Variants in DPP10 observed in about 807,000 individuals in gnomAD.
The protein encoded by DPP10 is inactive dipeptidyl peptidase 10.
Under a neutral mutation model 120.9 loss-of-function variants are expected in DPP10, and 33 were observed. The observed-to-expected ratio is 0.27, with a 90% CI of 0.21 to 0.37. The LOEUF (loss-of-function observed/expected upper bound fraction) is 0.37, where lower values mean the gene tolerates loss of function less well. Ranked by LOEUF, DPP10 falls within the 10% of genes least tolerant of loss-of-function variation. The pLI, the probability that DPP10 is intolerant of heterozygous loss-of-function variation, is 1.00. For missense variants in DPP10, 816 were observed against 942.8 expected, an observed-to-expected ratio of 0.87 and a Z score of 1.76; for synonymous variants, 337 against 326.1, an observed-to-expected ratio of 1.03 and a Z score of -0.36.
rs549758102 is a variant in DPP10, at chr2:115,830,945, G to T, written c.1951-5212G>T. ...TGAGGGAGGGCCTCTCAGTGTTTGA[G>T]TCCAGCTTGAGTCACTTCTAAGGTT... is the stretch of plus-strand genomic sequence containing the variant. On this transcript the variant is annotated intron_variant, in intron 21 of 25. Coordinates refer to ENST00000410059, the MANE Select transcript of DPP10 (RefSeq NM_020868.6). Among the ~76,000 whole-genome samples the T allele has an allele frequency of 5.9e-5, 9 of 152,216 alleles. No homozygotes were observed. In the East Asian group the frequency reaches 1.7e-3, roughly 30 times the overall value.
In DPP10 at chr2:115,780,963, C is replaced by A; in HGVS notation, c.1451C>A (p.Pro484His). The A allele has an allele frequency of 1.9e-6, 3 of 1,593,772 alleles. No individual in the cohort carries two copies. ...ACATATTTTGATGCCAGTTTTAGTCCCATGAATCAACATTTCTTATTATTC... is the reference window on the plus strand; with the variant it reads ...ACATATTTTGATGCCAGTTTTAGTCACATGAATCAACATTTCTTATTATTC... ...QCTYFDASFSPMNQHFLLFCE... is the reference protein window; with the variant it reads ...QCTYFDASFSHMNQHFLLFCE... Residue 484 changes from proline to histidine, a missense_variant, in exon 16 of 26, where the codon CCC (proline) becomes CAC (histidine). Physicochemically the swap from Pro to His is moderately conservative, Grantham distance 77. Coordinates refer to ENST00000410059, the MANE Select transcript of DPP10 (RefSeq NM_020868.6).
intron 1 of DPP10, among the ~76,000 whole-genome samples, chr2:114,964,785 A>G (rs1698886707): frequency 6.6e-6 from 1 of 152,216 alleles, no homozygotes; most frequent in Non-Finnish European, 1.5e-5. Flanking sequence ...TGGGAGAAAC[A>G]GGACATAGCT....
intron 1 of DPP10, among the ~76,000 whole-genome samples, chr2:115,276,476 C>T (rs2059926368): frequency 2.0e-5 from 3 of 152,224 alleles, no homozygotes; most frequent in Admixed American, 2.0e-4. Context: ...TAAATGTGAG[C>T]TATTTCGAAA....
At chr2:115,495,241 G>A (rs1335364458) in intron 3 of DPP10, among the ~76,000 whole-genome samples, 2 of 151,466 alleles carry the variant, frequency 1.3e-5, no homozygotes, top group African/African-American at 4.8e-5. Context: ...ATTTCAAGAC[G>A]TAATAGTTTA....
In DPP10 at chr2:114,870,532, A is replaced by T. The variant is rs956802565; in HGVS notation, c.60+427694A>T. Among the ~76,000 whole-genome samples the T allele has an allele frequency of 4.3e-5, 6 of 138,480 alleles. 2 individuals are homozygous for T. Among genetic ancestry groups the T allele is most frequent in the Non-Finnish European group, 9.6e-5 (6 of 62,646 alleles). 90.8% of individuals were successfully genotyped at this position (138,480 alleles called of 152,430 possible). On this transcript the variant is annotated intron_variant, in intron 1 of 25. Transcript: ENST00000410059. ...TTTAAGGGCAATAGAAGCTACAAAA[A>T]GTAGTCAGGTAGAAAGGGGGAACTC...
chr2:115,043,930 T>C (rs1670488640), intron 1 of DPP10, among the ~76,000 whole-genome samples: 1 of 152,162 alleles, frequency 6.6e-6, no homozygotes, highest in African/African-American at 2.4e-5. Context: ...AGTAGGTATA[T>C]ATATTTATGG....
chr2:115,517,183 G>T (rs1303347563), intron 4 of DPP10, among the ~76,000 whole-genome samples: 1 of 152,136 alleles, frequency 6.6e-6, no homozygotes, highest in Non-Finnish European at 1.5e-5. Flanking sequence ...TTCAGTCATA[G>T]TTGCAAACAA....
At chr2:115,003,262 G>C (rs1172016083) in intron 1 of DPP10, among the ~76,000 whole-genome samples, 1 of 149,914 alleles carries the variant, frequency 6.7e-6, no homozygotes, top group Admixed American at 6.6e-5. Context: ...AACAAACAAA[G>C]GAACAAAAAA....
At chr2:115,067,013 T>C (rs1706894267) in intron 1 of DPP10, among the ~76,000 whole-genome samples, 1 of 152,102 alleles carries the variant, frequency 6.6e-6, no homozygotes, top group Non-Finnish European at 1.5e-5. Flanking sequence ...CAAAACTAAT[T>C]CATTCTGCAT....
intron 1 of DPP10, among the ~76,000 whole-genome samples, chr2:114,947,702 G>T (rs1697470950): frequency 6.6e-6 from 1 of 151,934 alleles, no homozygotes; most frequent in African/African-American, 2.4e-5. Context: ...GCTTTAGTTA[G>T]ATGACATTTC....
chr2:115,373,682 T>A (rs2106413215), intron 3 of DPP10, among the ~76,000 whole-genome samples: 1 of 152,200 alleles, frequency 6.6e-6, no homozygotes, highest in Middle Eastern at 3.4e-3. Flanking sequence ...GGATTTATCC[T>A]TTTGCAATTT....
chr2:115,710,506 T>A (rs1385729951), intron 7 of DPP10, among the ~76,000 whole-genome samples: 1 of 152,138 alleles, frequency 6.6e-6, no homozygotes, highest in Non-Finnish European at 1.5e-5. Context: ...GATTGCCTGA[T>A]AATTTTAGAA....
At chr2:114,595,913 T>C (rs1264772273) in intron 1 of DPP10, among the ~76,000 whole-genome samples, 1 of 152,116 alleles carries the variant, frequency 6.6e-6, no homozygotes, top group Non-Finnish European at 1.5e-5. Flanking sequence ...TAAGAGGAGA[T>C]GTAGTCAGTG....
At chr2:115,841,293 A>G (rs1690120098) in intron 25 of DPP10, among the ~76,000 whole-genome samples, 2 of 152,122 alleles carry the variant, frequency 1.3e-5, no homozygotes, top group African/African-American at 4.8e-5. Flanking sequence ...ATTACAAGAA[A>G]AGAAGAGAGG....
At position 115,343,557 on chromosome 2, in the gene DPP10, A is replaced by G. The variant is rs2063553453; in HGVS notation, c.176-260A>G. Among the ~76,000 whole-genome samples the G allele has an allele frequency of 3.9e-5, 6 of 152,270 alleles. No homozygotes were observed. The South Asian group carries it at 1.2e-3, about 32-fold the overall frequency. ...ACAACAGGAATTCTTAACTGCTTTCATATTATATTACTAATACGTAACATG... is the reference window on the plus strand; with the variant it reads ...ACAACAGGAATTCTTAACTGCTTTCGTATTATATTACTAATACGTAACATG... On this transcript the variant is annotated intron_variant, in intron 2 of 25. Transcript: ENST00000410059.
At chr2:114,544,099 G>A (rs1238949743) in intron 1 of DPP10, among the ~76,000 whole-genome samples, 2 of 152,114 alleles carry the variant, frequency 1.3e-5, no homozygotes, top group Non-Finnish European at 2.9e-5. Flanking sequence ...AGGGAGCTAT[G>A]CAAGTTACTG....
chr2:114,729,234 A>T (rs1252848368), intron 1 of DPP10, among the ~76,000 whole-genome samples: 1 of 152,268 alleles, frequency 6.6e-6, no homozygotes, highest in Non-Finnish European at 1.5e-5. Context: ...ACACATTTCC[A>T]GTTGAAAATC....
intron 1 of DPP10, among the ~76,000 whole-genome samples, chr2:115,028,830 A>G (rs1213751955): frequency 6.6e-6 from 1 of 151,948 alleles, no homozygotes; most frequent in Non-Finnish European, 1.5e-5. Context: ...GTCTCTTTTT[A>G]CAGCATTTTA....
chr2:115,029,664 G>A (rs929672117), intron 1 of DPP10, among the ~76,000 whole-genome samples: 19 of 151,936 alleles, frequency 1.3e-4, no homozygotes, highest in African/African-American at 4.6e-4. Flanking sequence ...GAGATTATTT[G>A]TAATTTTTGA....
Sources: allele counts gnomAD v4.1 joint callset (sites outside exome capture counted in the v4.1 genomes callset), GRCh38; gene constraint gnomAD v4.1.1; transcripts MANE v1.5; gene names NCBI Gene and HGNC (gene_info 2026-07-23, HGNC 2026-07-21).